The following UNC13C variants were observed in gnomAD, a reference collection of about 807,000 sequenced individuals.
UNC13C encodes unc-13 homolog C, also known as protein unc-13 homolog C.
UNC13C carries 174 observed loss-of-function variants against 245.4 expected under a neutral mutation model. The observed-to-expected ratio is 0.71, with a 90% CI of 0.63 to 0.80. The LOEUF (loss-of-function observed/expected upper bound fraction) is 0.80. Among genes scored for constraint, UNC13C ranks in the 30% least tolerant of loss-of-function variants. UNC13C has a pLI of 0.00. For missense variants in UNC13C, 2,829 were observed against 2,602.9 expected, an observed-to-expected ratio of 1.09 and a Z score of -1.89; for synonymous variants, 992 against 895.1, an observed-to-expected ratio of 1.11 and a Z score of -1.93.
intron 2 of UNC13C, among the ~76,000 whole-genome samples, chr15:54,141,580 T>G (rs144471015): frequency 6.6e-6 from 1 of 152,188 alleles, no homozygotes; most frequent in Non-Finnish European, 1.5e-5. Context: ...TGACTTTTGC[T>G]CCCTATGAAA....
chr15:54,364,969 A>T (rs149171855), intron 17 of UNC13C, among the ~76,000 whole-genome samples: 1 of 152,188 alleles, frequency 6.6e-6, no homozygotes, highest in East Asian at 1.9e-4. Flanking sequence ...CACTAGCGCT[A>T]TGTCTATGGC....
intron 2 of UNC13C, among the ~76,000 whole-genome samples, chr15:54,079,200 T>C (rs1267994961): frequency 6.6e-6 from 1 of 152,160 alleles, no homozygotes. Flanking sequence ...ACGATGTTCC[T>C]TTGGTTACCA....
At chr15:54,409,317 T>A (rs12906290) in intron 18 of UNC13C, among the ~76,000 whole-genome samples, 16 of 151,478 alleles carry the variant, frequency 1.1e-4, no homozygotes, top group African/African-American at 2.9e-4. Flanking sequence ...TTATATAAGC[T>A]GTATATATTT....
At chr15:53,883,965 T>C in the UNC13C span, among the ~76,000 whole-genome samples, 2 of 152,146 alleles carry the variant, frequency 1.3e-5, no homozygotes, top group African/African-American at 4.8e-5. Context: ...AGTCTGAGGG[T>C]AGGTTCCTTC....
chr15:54,192,342 T>A (rs17732975), intron 4 of UNC13C, among the ~76,000 whole-genome samples: 4,129 of 152,260 alleles, frequency 0.027, 123 homozygotes, highest in East Asian at 0.11. Flanking sequence ...GTCATTTTTT[T>A]AAAGGAGATG....
At chr15:53,902,191 T>C in the UNC13C span, among the ~76,000 whole-genome samples, 3 of 152,172 alleles carry the variant, frequency 2.0e-5, no homozygotes, top group Non-Finnish European at 4.4e-5. Context: ...CTCATCCTAG[T>C]TTTCCCTTCT....
intron 2 of UNC13C, among the ~76,000 whole-genome samples, chr15:54,030,368 A>G (rs1896307331): frequency 6.6e-6 from 1 of 151,908 alleles, no homozygotes; most frequent in Admixed American, 6.6e-5. Context: ...CCCTGCGGTT[A>G]GTTGTTATAC....
chr15:53,937,138 A>G, the UNC13C span, among the ~76,000 whole-genome samples: 1 of 152,226 alleles, frequency 6.6e-6, no homozygotes, highest in Non-Finnish European at 1.5e-5. Flanking sequence ...AAATCATGAT[A>G]AAACAATTTC....
chr15:54,423,928 A>AT (rs745554988), intron 19 of UNC13C, among the ~76,000 whole-genome samples: 2 of 151,854 alleles, frequency 1.3e-5, no homozygotes, highest in Non-Finnish European at 2.9e-5. Flanking sequence ...GGTTTTTAGA[A>AT]TTTTTTTAGA....
chr15:53,890,744 T>G, the UNC13C span, among the ~76,000 whole-genome samples: 1 of 135,032 alleles, frequency 7.4e-6, no homozygotes, highest in African/African-American at 2.6e-5. Flanking sequence ...GTCTGTTTGA[T>G]TCTTCTCTCT....
chr15:54,199,617 A>G (rs921309163), intron 4 of UNC13C, among the ~76,000 whole-genome samples: 1 of 152,172 alleles, frequency 6.6e-6, no homozygotes, highest in Non-Finnish European at 1.5e-5. Context: ...AGAAAGATAC[A>G]GTCTCTTCCA....
At chr15:54,306,050 A>G (rs1209940023) in intron 13 of UNC13C, among the ~76,000 whole-genome samples, 3 of 152,054 alleles carry the variant, frequency 2.0e-5, no homozygotes, top group Non-Finnish European at 2.9e-5. Flanking sequence ...GTAGTACACT[A>G]CTGAATTTTT....
intron 17 of UNC13C, among the ~76,000 whole-genome samples, chr15:54,353,416 G>A (rs1399850500): frequency 1.3e-5 from 2 of 152,144 alleles, no homozygotes; most frequent in Non-Finnish European, 2.9e-5. Context: ...AAAGACCAGG[G>A]AAATGTCACA....
chr15:53,992,622 C>G (rs1894442350), intron 1 of UNC13C, among the ~76,000 whole-genome samples: 1 of 152,034 alleles, frequency 6.6e-6, no homozygotes, highest in Non-Finnish European at 1.5e-5. Context: ...TTTCCTAAGG[C>G]CTTGGCCTTG....
chr15:54,335,199 C>T (rs1345390816), intron 16 of UNC13C, among the ~76,000 whole-genome samples: 1 of 152,060 alleles, frequency 6.6e-6, no homozygotes, highest in Non-Finnish European at 1.5e-5. Context: ...CAATCCTCTC[C>T]ACTCTCCTGA....
chr15:54,291,054 G>C (rs1477017757), intron 10 of UNC13C, among the ~76,000 whole-genome samples: 1 of 152,042 alleles, frequency 6.6e-6, no homozygotes, highest in African/African-American at 2.4e-5. Context: ...TAAACTAGTA[G>C]TTGTGTCTTT....
At chr15:54,068,110 T>C (rs1898153211) in intron 2 of UNC13C, among the ~76,000 whole-genome samples, 1 of 152,194 alleles carries the variant, frequency 6.6e-6, no homozygotes, top group African/African-American at 2.4e-5. Flanking sequence ...GAGGGCCTTT[T>C]GGGAGCTCCT....
rs868554154 is a variant in UNC13C at position 54,525,428 on chromosome 15, G to A, written c.5458-121G>A. On this transcript the variant is annotated intron_variant, in intron 24 of 32. Transcript: ENST00000260323. Reference sequence around the variant, plus strand: ...TTCAAAGACCAAAAAAAAAAAAAAAGAAGAGAAAAAAGCTTACATGTTGTT... The same window carrying A: ...TTCAAAGACCAAAAAAAAAAAAAAAAAAGAGAAAAAAGCTTACATGTTGTT... 2.9e-3 allele frequency: 1,267 copies of A among 433,548 alleles called. 10 individuals are homozygous for A. Among genetic ancestry groups the A allele is most frequent in the African/African-American group, 0.02 (932 of 46,912 alleles). The allele number at this position is 433,548 out of a possible 1,614,324, so 26.9% of individuals were successfully genotyped here.
the UNC13C span, among the ~76,000 whole-genome samples, chr15:53,965,210 AAC>A: frequency 6.6e-6 from 1 of 152,152 alleles, no homozygotes; most frequent in Non-Finnish European, 1.5e-5. Flanking sequence ...TATTATAATG[AAC>A]ACTTACGTGC....
Sources: allele counts gnomAD v4.1 joint callset (sites outside exome capture counted in the v4.1 genomes callset), GRCh38; gene constraint gnomAD v4.1.1; transcripts MANE v1.5; gene names NCBI Gene and HGNC (gene_info 2026-07-23, HGNC 2026-07-21).